ADAMTSL1: variants seen among roughly 807,000 people sequenced by gnomAD.
ADAMTSL1 encodes the protein ADAMTS like 1.
A neutral mutation model predicts 201.8 loss-of-function variants in ADAMTSL1; 126 were observed. The ratio of observed to expected loss-of-function variants is 0.62; its 90% CI spans 0.54 to 0.72. The LOEUF (loss-of-function observed/expected upper bound fraction) is 0.72, where lower values mean the gene tolerates loss of function less well. Ranked by LOEUF, ADAMTSL1 falls within the 30% of genes least tolerant of loss-of-function variation. The pLI, the probability that ADAMTSL1 is intolerant of heterozygous loss-of-function variation, is 0.00. For synonymous variants in ADAMTSL1, 1,121 were observed against 903.4 expected (o/e 1.24, Z -4.32); for missense variants, 2,679 against 2,277.8 (o/e 1.18, Z -3.59).
chr9:18,277,067 GTTAT>G (rs1439420510), intron 2 of ADAMTSL1, among the ~76,000 whole-genome samples: 1 of 152,110 alleles, frequency 6.6e-6, no homozygotes, highest in South Asian at 2.1e-4. Flanking sequence ...GATTTCTCTT[GTTAT>G]TTGTTTCTAG....
chr9:18,141,958 GC>G (rs1289976920), intron 1 of ADAMTSL1, among the ~76,000 whole-genome samples: 15 of 152,170 alleles, frequency 9.9e-5, no homozygotes, highest in Admixed American at 9.2e-4. Context: ...ACTTCCCAGG[GC>G]TGTGGCCAGG....
In ADAMTSL1 at chr9:18,072,447, G is replaced by A. The variant is rs551875369; in HGVS notation, c.88-91415G>A. ...AGGCTTCTGAACTTATATTTGAGAAGCTGAGACCTGCAAATATTGACCTAG... is the reference window on the plus strand; with the variant it reads ...AGGCTTCTGAACTTATATTTGAGAAACTGAGACCTGCAAATATTGACCTAG... On this transcript the variant is annotated intron_variant, in intron 1 of 29. Coordinates refer to the ADAMTSL1 transcript ENST00000680146. Among the ~76,000 whole-genome samples the A allele has an allele frequency of 9.8e-5, 15 of 152,288 alleles. No homozygotes were observed. The South Asian group carries it at 3.1e-3, about 32-fold the overall frequency.
At chr9:18,266,479 T>C (rs1265028231) in intron 2 of ADAMTSL1, among the ~76,000 whole-genome samples, 1 of 152,192 alleles carries the variant, frequency 6.6e-6, no homozygotes, top group East Asian at 1.9e-4. Flanking sequence ...TAATCAAAAA[T>C]GATACTTCAT....
intron 20 of ADAMTSL1, among the ~76,000 whole-genome samples, chr9:18,799,211 T>G (rs1470140456): frequency 6.6e-6 from 1 of 152,186 alleles, no homozygotes; most frequent in Non-Finnish European, 1.5e-5. Flanking sequence ...GGGAGGAGAT[T>G]ATAGGAATGT....
chr9:18,705,397 C>G (rs1197796577), intron 13 of ADAMTSL1, among the ~76,000 whole-genome samples: 2 of 151,846 alleles, frequency 1.3e-5, no homozygotes, highest in Non-Finnish European at 2.9e-5. Flanking sequence ...GCTTTTTTTT[C>G]CTAGGCCCCT....
At chr9:18,306,807 A>C (rs1833925458) in intron 2 of ADAMTSL1, among the ~76,000 whole-genome samples, 1 of 152,206 alleles carries the variant, frequency 6.6e-6, no homozygotes, top group African/African-American at 2.4e-5. Context: ...CAACCTAGCA[A>C]GACAGGCCAA....
chr9:18,482,401 T>G (rs897288352), intron 1 of ADAMTSL1, among the ~76,000 whole-genome samples: 2 of 152,246 alleles, frequency 1.3e-5, no homozygotes, highest in Non-Finnish European at 1.5e-5. Context: ...CTTCATTGCT[T>G]TTTCAGATTT....
At chr9:18,661,528 C>T (rs1050327431) in intron 8 of ADAMTSL1, among the ~76,000 whole-genome samples, 1 of 152,120 alleles carries the variant, frequency 6.6e-6, no homozygotes, top group Non-Finnish European at 1.5e-5. Flanking sequence ...AGTTTATTCT[C>T]CCTAGTGCCC....
Position 18,777,882 on chromosome 9 carries a change from GAGA to G in ADAMTSL1, c.3659_3661del (p.Glu1220del), listed in dbSNP as rs776559765. 28 of 1,556,506 alleles carry G rather than the reference GAGA, an allele frequency of 1.8e-5. No individual in the cohort carries two copies. The highest frequency in any genetic ancestry group is 9.1e-5 in the East Asian group (4 of 44,192). On this transcript the variant is annotated inframe_deletion, in exon 19 of 29. Coordinates refer to ENST00000380548, the MANE Select transcript of ADAMTSL1 (RefSeq NM_001040272.6). ...CCTACCATCAGCTGGGCCAGGAATG[GAGA>G]AGAAGTTCAGTTCAGTGACAGGTGA... is the stretch of plus-strand genomic sequence containing the variant.
At chr9:18,453,175 A>T (rs1332151758) in intron 2 of ADAMTSL1, among the ~76,000 whole-genome samples, 1 of 152,174 alleles carries the variant, frequency 6.6e-6, no homozygotes, top group African/African-American at 2.4e-5. Context: ...GAGCAGTAGG[A>T]TGAGCCTCAC....
chr9:18,846,233 G>C lies in ADAMTSL1; in HGVS notation c.4249+16256G>C, dbSNP rs755484162. The stretch of plus-strand genomic sequence containing the variant: ...CCTTTGCAGTGTGATTCCAGTGGGG[G>C]CACTTAGAGTCTGATGGGAAAGTTC... On this transcript the variant is annotated intron_variant, in intron 23 of 28. Transcript: ENST00000380548. Among the ~76,000 whole-genome samples the C allele has an allele frequency of 3.1e-4, 47 of 152,148 alleles. 1 individual carries two copies. The highest frequency in any genetic ancestry group is 3.1e-3 in the Admixed American group (47 of 15,274).
chr9:18,362,758 A>C (rs1043007349), intron 2 of ADAMTSL1, among the ~76,000 whole-genome samples: 8 of 152,318 alleles, frequency 5.3e-5, no homozygotes, highest in African/African-American at 1.9e-4. Flanking sequence ...TAATTTAACC[A>C]GTATTCTGGT....
chr9:18,202,433 C>T (rs575509595), intron 2 of ADAMTSL1, among the ~76,000 whole-genome samples: 1 of 152,336 alleles, frequency 6.6e-6, no homozygotes, highest in East Asian at 1.9e-4. Context: ...GGAGCTGGTA[C>T]ATAGTCCTAC....
chr9:18,044,687 G>A (rs1297277873), intron 1 of ADAMTSL1, among the ~76,000 whole-genome samples: 1 of 152,126 alleles, frequency 6.6e-6, no homozygotes, highest in Non-Finnish European at 1.5e-5. Flanking sequence ...AGTGATCTCA[G>A]TTCTAAAATT....
chr9:17,952,193 A>G (rs1195500854), intron 1 of ADAMTSL1, among the ~76,000 whole-genome samples: 1 of 151,388 alleles, frequency 6.6e-6, no homozygotes, highest in Non-Finnish European at 1.5e-5. Flanking sequence ...AGCTCAAGCA[A>G]TCCTCCTGCC....
At chr9:18,563,157 A>G (rs895827292) in intron 3 of ADAMTSL1, among the ~76,000 whole-genome samples, 1 of 152,094 alleles carries the variant, frequency 6.6e-6, no homozygotes, top group African/African-American at 2.4e-5. Context: ...GGATTTATCT[A>G]CCTTTGGTCT....
chr9:18,294,492 C>T (rs1444023268), intron 2 of ADAMTSL1, among the ~76,000 whole-genome samples: 3 of 152,274 alleles, frequency 2.0e-5, no homozygotes, highest in Admixed American at 1.3e-4. Context: ...GGCTGAGTAC[C>T]TTTGTCTAAT....
At chr9:18,710,627 T>A (rs989236722) in intron 14 of ADAMTSL1, among the ~76,000 whole-genome samples, 1 of 151,702 alleles carries the variant, frequency 6.6e-6, no homozygotes, top group Admixed American at 6.6e-5. Context: ...TAGCCCTTAC[T>A]TTCCCCATTC....
chr9:18,825,514 G>C (rs117169219), intron 21 of ADAMTSL1, among the ~76,000 whole-genome samples: 4 of 152,202 alleles, frequency 2.6e-5, no homozygotes, highest in Non-Finnish European at 5.9e-5. Flanking sequence ...GTCAACTCCA[G>C]TAGCAATCTA....
Sources: allele counts gnomAD v4.1 joint callset (sites outside exome capture counted in the v4.1 genomes callset), GRCh38; gene constraint gnomAD v4.1.1; transcripts MANE v1.5; gene names NCBI Gene and HGNC (gene_info 2026-07-23, HGNC 2026-07-21).